The following SPTAN1 variants were observed in gnomAD, a reference collection of about 807,000 sequenced individuals.
SPTAN1 encodes the protein spectrin alpha chain, non-erythrocytic 1.
In SPTAN1, 61 loss-of-function variants were observed where a neutral mutation model predicts 331.3. The observed-to-expected ratio is 0.18, with a 90% CI of 0.15 to 0.23. The LOEUF is 0.23. SPTAN1 is among the 10% of genes least tolerant of loss of function. The pLI, the probability that SPTAN1 is intolerant of heterozygous loss-of-function variation, is 1.00. For missense variants in SPTAN1, 2,043 were observed against 3,147.9 expected, an observed-to-expected ratio of 0.65 and a Z score of 8.40; for synonymous variants, 1,153 against 1,173.9, an observed-to-expected ratio of 0.98 and a Z score of 0.36.
intron 44 of SPTAN1, among the ~76,000 whole-genome samples, chr9:128,620,218 T>C (rs1354145567): frequency 1.3e-5 from 2 of 152,234 alleles, no homozygotes; most frequent in African/African-American, 4.8e-5. Context: ...ACTAAATTCC[T>C]GCCCCCAGAT....
chr9:128,632,533 A>G (rs1488544414), intron 54 of SPTAN1, 39 bp from the exon 55 acceptor site: 1 of 1,614,148 alleles, frequency 6.2e-7, no homozygotes, highest in Admixed American at 1.7e-5. Context: ...GTTCGGCAGC[A>G]GGGCTGCCTG....
intron 20 of SPTAN1, 96 bp downstream of exon 20, chr9:128,587,794 G>T (rs1852850852): frequency 1.1e-6 from 1 of 891,038 alleles, no homozygotes. Context: ...ATTTGACTCT[G>T]CTATTAACTC....
At chr9:128,624,598 C>A in intron 46 of SPTAN1, 111 bp downstream of exon 46, 1 of 1,369,796 alleles carries the variant, frequency 7.3e-7, no homozygotes, top group Non-Finnish European at 1.0e-6. Context: ...GTGGGCATGG[C>A]AGAGAACCTA....
chr9:128,625,070 A>C lies in SPTAN1; in HGVS notation c.5993-33A>C. On this transcript the variant is annotated intron_variant, in intron 46 of 56. Coordinates refer to ENST00000372739, the MANE Select transcript of SPTAN1 (RefSeq NM_001130438.3). This position sits in a 1 kb window ranked among gnomAD's most constrained non-coding sequence, Gnocchi z 4.1. ...CCTTTCTAATCCATCTCCACTGAGG[A>C]GGGCAGTATATTTTCCACACTTCGT... The C allele has an allele frequency of 6.3e-7, 1 of 1,596,426 alleles. No homozygotes were observed. Among genetic ancestry groups the C allele is most frequent in the Non-Finnish European group, 8.6e-7 (1 of 1,164,092 alleles).
chr9:128,578,483 C>T (rs559431424), intron 9 of SPTAN1, among the ~76,000 whole-genome samples: 1 of 152,254 alleles, frequency 6.6e-6, no homozygotes, highest in Non-Finnish European at 1.5e-5. Context: ...AACAGACAAG[C>T]TCTGGCGAGA....
intron 24 of SPTAN1, among the ~76,000 whole-genome samples, chr9:128,595,029 C>CA (rs977675805): frequency 6.6e-6 from 1 of 151,710 alleles, no homozygotes; most frequent in Non-Finnish European, 1.5e-5. Flanking sequence ...AGGCTGGTCT[C>CA]AAACTGCTGA....
intron 21 of SPTAN1, among the ~76,000 whole-genome samples, chr9:128,590,344 A>C (rs1589240712): frequency 6.6e-6 from 1 of 152,294 alleles, no homozygotes; most frequent in East Asian, 1.9e-4. Context: ...AGTAACTACT[A>C]GCTACGTGTG....
chr9:128,623,918 C>T (rs927143770), intron 45 of SPTAN1, among the ~76,000 whole-genome samples: 2 of 150,802 alleles, frequency 1.3e-5, no homozygotes, highest in Non-Finnish European at 2.9e-5. Flanking sequence ...AAACCCCCAT[C>T]TCTACTAAAA....
intron 45 of SPTAN1, among the ~76,000 whole-genome samples, chr9:128,622,737 G>GTTTGTTTATTTA (rs1554765413): frequency 1.3e-5 from 2 of 151,282 alleles, no homozygotes; most frequent in African/African-American, 4.9e-5. Flanking sequence ...TTGTAGTATG[G>GTTTGTTTATTTA]TTTATTTATT....
chr9:128,626,411 C>G lies in SPTAN1; in HGVS notation c.6300C>G (p.Thr2100=), dbSNP rs370624702. Residue 2100 remains threonine (T), a synonymous_variant, in exon 49 of 57, where the codon ACC becomes ACG. Transcript: ENST00000372739. The stretch of plus-strand genomic sequence containing the variant: ...TCCAGGTGGAGGACCTCTTCCTGAC[C>G]TTCGCCAAAAAGGCTTCTGCCTTCA... ...HFRKVEDLFL[T]FAKKASAFNS... The G allele has an allele frequency of 2.1e-5, 34 of 1,614,166 alleles. No homozygotes were observed. Among genetic ancestry groups the G allele is most frequent in the African/African-American group, 1.9e-4 (14 of 75,060 alleles).
At position 128,607,739 on chromosome 9, in the gene SPTAN1, G is replaced by C. The variant is rs753496482; in HGVS notation, c.4146+36G>C. The C allele has an allele frequency of 1.4e-5, 22 of 1,612,468 alleles. No homozygotes were observed. The African/African-American group carries it at 2.9e-4, about 22-fold the overall frequency. ...CTGCCTGCTGAGTAGCAAAGACGTG[G>C]CTGCTCTGCAGGGCCCTAGAGGCCT... On this transcript the variant is annotated intron_variant, in intron 32 of 56. Coordinates refer to ENST00000372739, the MANE Select transcript of SPTAN1 (RefSeq NM_001130438.3).
intron 44 of SPTAN1, among the ~76,000 whole-genome samples, chr9:128,620,573 C>T (rs2131841831): frequency 6.6e-6 from 1 of 152,204 alleles, no homozygotes; most frequent in Non-Finnish European, 1.5e-5. Context: ...CAAAAATTAG[C>T]TGGGTGTGGT....
At chr9:128,575,404 T>C in intron 5 of SPTAN1, 59 bp downstream of exon 5, 1 of 1,587,472 alleles carries the variant, frequency 6.3e-7, no homozygotes, top group Non-Finnish European at 8.6e-7. Context: ...TTTTAGTATA[T>C]TCAGGATAAA....
intron 23 of SPTAN1, 23 bp from the exon 24 acceptor site, chr9:128,594,152 G>C: frequency 6.2e-7 from 1 of 1,613,678 alleles, no homozygotes; most frequent in Non-Finnish European, 8.5e-7. Flanking sequence ...TGTCCCTCTT[G>C]TCACCCTCTT....
At position 128,625,381 on chromosome 9, in the gene SPTAN1, G is replaced by C. The variant is rs1459039094; in HGVS notation, c.6069+202G>C. 6.6e-6 allele frequency among the ~76,000 whole-genome samples: 1 copy of C among 152,226 alleles called. No homozygotes were observed. Among genetic ancestry groups the C allele is most frequent in the Non-Finnish European group, 1.5e-5 (1 of 68,052 alleles). The stretch of plus-strand genomic sequence containing the variant: ...AGGCATCTCTGCAGCAGCCTGCTGG[G>C]TGCTGACGGGACTGGGCACTGCAGG... On this transcript the variant is annotated intron_variant, in intron 47 of 56. Coordinates refer to ENST00000372739, the MANE Select transcript of SPTAN1 (RefSeq NM_001130438.3). The surrounding 1 kb of genome is among the most constrained non-coding windows in gnomAD (Gnocchi z 4.1).
At chr9:128,567,555 C>G (rs1482606825) in intron 2 of SPTAN1, among the ~76,000 whole-genome samples, 3 of 152,150 alleles carry the variant, frequency 2.0e-5, no homozygotes, top group African/African-American at 4.8e-5. Context: ...TCCCAAAGTG[C>G]TGGGATTACA....
rs1221236138 is a variant in SPTAN1 at position 128,630,017 on chromosome 9, C to G, written c.6708-304C>G. The G allele has an allele frequency of 2.4e-5, 12 of 502,616 alleles. No homozygotes were observed. In the East Asian group the frequency reaches 5.5e-4, roughly 23 times the overall value. The allele number at this position is 502,616 out of a possible 1,614,324, so 31.1% of individuals were successfully genotyped here. A position where few individuals can be genotyped will look rare whatever the true frequency, so the allele number is the denominator to read the frequency against. ...GATGCTCAGACAGGCCTGCAGCCAC[C>G]CTGCACCCATGGGGGAATTTAAACT... On this transcript the variant is annotated intron_variant, in intron 51 of 56. Transcript: ENST00000372739.
At chr9:128,597,738 G>A (rs181510468) in intron 24 of SPTAN1, among the ~76,000 whole-genome samples, 31 of 152,032 alleles carry the variant, frequency 2.0e-4, no homozygotes, top group Middle Eastern at 3.4e-3. Flanking sequence ...AACCTCTGCC[G>A]CACCCCGGTT....
In SPTAN1 at chr9:128,569,044, A is replaced by G. The variant is rs941857761; in HGVS notation, c.363+147A>G. ...GAAGTCTCCTTAAGAAGTTACCCGAATCCTGCCTTTGTAATATGACAGCAT... is the reference window on the plus strand; with the variant it reads ...GAAGTCTCCTTAAGAAGTTACCCGAGTCCTGCCTTTGTAATATGACAGCAT... On this transcript the variant is annotated intron_variant, in intron 3 of 56. Transcript: ENST00000372739. 9.8e-6 allele frequency: 10 copies of G among 1,021,818 alleles called. No individual in the cohort carries two copies. In the Admixed American group the frequency reaches 1.8e-4, roughly 19 times the overall value. 63.3% of individuals were successfully genotyped at this position (1,021,818 alleles called of 1,614,324 possible).
Sources: gnomAD v4.1 joint callset for allele counts (sites outside exome capture counted in the v4.1 genomes callset) on GRCh38, gnomAD v4.1.1 for gene constraint, Gnocchi (gnomAD v3.1) non-coding constraint, MANE v1.5 for transcripts, NCBI Gene and HGNC (gene_info 2026-07-23, HGNC 2026-07-21) for gene names.